The following TRPM1 variants were observed in gnomAD, a reference collection of about 807,000 sequenced individuals.
TRPM1 encodes TRPM1-203 APA Isoform, Intron 10.
Under a neutral mutation model 149.4 loss-of-function variants are expected in TRPM1, and 113 were observed. The ratio of observed to expected loss-of-function variants is 0.76; its 90% CI spans 0.65 to 0.88. TRPM1 has a LOEUF of 0.88. Ranked by LOEUF, TRPM1 falls within the 40% of genes least tolerant of loss-of-function variation. The probability of loss-of-function intolerance (pLI) is 0.00; values close to 1 mark genes in which losing one functional copy is unlikely to be tolerated. For synonymous variants in TRPM1, 741 were observed against 759.5 expected, an observed-to-expected ratio of 0.98 and a Z score of 0.40; for missense variants, 1,976 against 2,038.7, an observed-to-expected ratio of 0.97 and a Z score of 0.59.
In TRPM1 at chr15:31,049,464, G is replaced by A. The variant is rs765113979; in HGVS notation, c.1483C>T (p.Arg495Cys). The A allele has an allele frequency of 2.5e-6, 4 of 1,614,124 alleles. No individual in the cohort carries two copies. Among genetic ancestry groups the A allele is most frequent in the Admixed American group, 3.3e-5 (2 of 60,016 alleles). Residue 495 changes from arginine to cysteine, a missense_variant, in exon 13 of 28, where the codon CGT becomes TGT. Coordinates refer to ENST00000256552, the MANE Select transcript of TRPM1 (RefSeq NM_001252024.2). Reference protein sequence around the residue: ...QAMLDALVLDRVDFVKLLIEN... With the variant: ...QAMLDALVLDCVDFVKLLIEN... ...ATCAGGAGCTTCACAAAGTCGACAC[G>A]ATCTAAGACTAAAGCATCTAGCATC...
chr15:31,035,966 AT>A (rs1194101713), intron 20 of TRPM1: 1 of 471,284 alleles, frequency 2.1e-6, no homozygotes, highest in Admixed American at 3.3e-5. Flanking sequence ...AGTTGCAAAC[AT>A]TATGATAACG....
chr15:31,148,629 C>T (rs2036253653), intron 1 of TRPM1, among the ~76,000 whole-genome samples: 1 of 152,174 alleles, frequency 6.6e-6, no homozygotes, highest in Non-Finnish European at 1.5e-5. Flanking sequence ...GACAGAAAAG[C>T]AGCTAGTGAG....
At chr15:31,081,567 C>T (rs2140984328) in intron 1 of TRPM1, 129 bp from the exon 2 acceptor site, 1 of 634,336 alleles carries the variant, frequency 1.6e-6, no homozygotes, top group Non-Finnish European at 2.7e-6. Flanking sequence ...ACCAGGGCTC[C>T]CTGACTCCCC....
chr15:31,026,009 C>G, intron 27 of TRPM1, 130 bp downstream of exon 27: 3 of 1,374,080 alleles, frequency 2.2e-6, no homozygotes, highest in Admixed American at 3.4e-5. Context: ...CACGTTAAAA[C>G]CTAAAGTTTA....
At chr15:31,028,912 A>T (rs1002262927) in intron 24 of TRPM1, among the ~76,000 whole-genome samples, 6 of 152,166 alleles carry the variant, frequency 3.9e-5, no homozygotes, top group Non-Finnish European at 8.8e-5. Context: ...ATGTATCTTT[A>T]TGTTTTTTCC....
rs191719470 is a variant in TRPM1, at chr15:31,002,796, C to T, written c.3904G>A (p.Glu1302Lys). 14 of 1,614,226 alleles carry T rather than the reference C, an allele frequency of 8.7e-6. 1 individual carries two copies. The Admixed American group carries it at 2.3e-4, about 27-fold the overall frequency. ...GATGTATCCTCAAATAATAACTCTT[C>T]TCCGTTAAAATGATATCGATACAAG... Reference protein sequence around the residue: ...YSLYRYHFNGEELLFEDTSLS... With the variant: ...YSLYRYHFNGKELLFEDTSLS... The change falls in exon 28 of 28, where the codon GAA becomes AAA. Residue 1302 changes from glutamate (E) to lysine (K), a missense_variant. By Grantham distance (56) the Glu-to-Lys change is moderately conservative. This residue lies in a region of TRPM1 where 572 missense variants were observed against 578.9 expected (regional missense o/e 0.99). Transcript: ENST00000256552.
chr15:31,084,335 C>T (rs1192025948), intron 1 of TRPM1, among the ~76,000 whole-genome samples: 2 of 152,084 alleles, frequency 1.3e-5, no homozygotes, highest in South Asian at 2.1e-4. Flanking sequence ...TAAAAAAAGC[C>T]GGTACCCATT....
Position 31,070,245 on chromosome 15 carries a change from C to CTAT in TRPM1, c.84-20_84-19insATA, listed in dbSNP as rs767847938. 4.4e-6 allele frequency: 7 copies of CTAT among 1,599,116 alleles called. No individual in the cohort carries two copies. The highest frequency in any genetic ancestry group is 1.3e-5 in the African/African-American group (1 of 74,718). Reference sequence around the variant, plus strand: ...GCAACACCTGAAAACAAAGGCAAAGCAGGGTCTTTCTACAACAATCTCCCC... The same window carrying CTAT: ...GCAACACCTGAAAACAAAGGCAAAGCTATAGGGTCTTTCTACAACAATCTCCCC... On this transcript the variant is annotated intron_variant, in intron 3 of 27. Transcript: ENST00000256552.
chr15:31,040,644 T>A lies in TRPM1; in HGVS notation c.2088-298A>T, dbSNP rs1032851675. ...GGGACATAGAGACGAGAAGACAAAG[T>A]CCCTTCCCTCAAGTTGTGCACAGAT... On this transcript the variant is annotated intron_variant, in intron 17 of 27. Transcript: ENST00000256552. The surrounding 1 kb of genome is among the most constrained non-coding windows in gnomAD (Gnocchi z 4.2). Among the ~76,000 whole-genome samples, 2 of 152,056 alleles carry A rather than the reference T, an allele frequency of 1.3e-5. No individual in the cohort carries two copies. The highest frequency in any genetic ancestry group is 2.9e-5 in the Non-Finnish European group (2 of 68,002).
Position 31,001,803 on chromosome 15 carries a change from A to G in TRPM1, c.*19T>C. 6.2e-7 allele frequency: 1 copy of G among 1,603,648 alleles called. No individual in the cohort carries two copies. The highest frequency in any genetic ancestry group is 8.5e-7 in the Non-Finnish European group (1 of 1,178,774). On this transcript the variant is annotated 3_prime_UTR_variant, in exon 28 of 28. Coordinates refer to ENST00000256552, the MANE Select transcript of TRPM1 (RefSeq NM_001252024.2). The stretch of plus-strand genomic sequence containing the variant: ...GTGGTTCTGACTGTTAAAAAAAAAA[A>G]TTAAAGAAACAAAACAGACTAGCAT...
intron 11 of TRPM1, among the ~76,000 whole-genome samples, chr15:31,054,924 A>C (rs574032453): frequency 2.5e-4 from 38 of 152,258 alleles, no homozygotes; most frequent in African/African-American, 8.9e-4. Context: ...TTAAACCAAA[A>C]TCTCCCAATC....
At chr15:31,077,644 C>T (rs1339236779) in intron 2 of TRPM1, among the ~76,000 whole-genome samples, 2 of 151,964 alleles carry the variant, frequency 1.3e-5, no homozygotes, top group African/African-American at 4.8e-5. Flanking sequence ...TGGAAGGGCT[C>T]GTGGGAGGCA....
rs542281336 is a variant in TRPM1 at position 31,094,474 on chromosome 15, A to G, written c.-84+7183T>C. Among the ~76,000 whole-genome samples the G allele has an allele frequency of 1.7e-3, 254 of 152,356 alleles. 3 individuals are homozygous for G. Among genetic ancestry groups the G allele is most frequent in the African/African-American group, 5.8e-3 (243 of 41,590 alleles). On this transcript the variant is annotated intron_variant, in intron 1 of 27. Coordinates refer to ENST00000256552, the MANE Select transcript of TRPM1 (RefSeq NM_001252024.2). ...GATATTTGCAAATCAAAATATGACA[A>G]GGGTCTAATATCCAGAATATATAAA...
chr15:31,047,805 CA>C, intron 14 of TRPM1, 83 bp downstream of exon 14: 1 of 1,111,140 alleles, frequency 9.0e-7, no homozygotes, highest in Non-Finnish European at 1.4e-6. Context: ...AATAATAATA[CA>C]TTTTGAAAAT....
At chr15:31,065,151 T>C (rs566338968) in intron 7 of TRPM1, 1 of 532,978 alleles carries the variant, frequency 1.9e-6, no homozygotes, top group African/African-American at 1.9e-5. Flanking sequence ...AAATGGGGTG[T>C]TGTAAAAACT....
chr15:31,092,467 C>T (rs971999867), intron 1 of TRPM1, among the ~76,000 whole-genome samples: 4 of 152,168 alleles, frequency 2.6e-5, no homozygotes, highest in Admixed American at 1.3e-4. Flanking sequence ...GCCAGGCAGC[C>T]GGACCTGGAC....
At chr15:31,146,906 T>G (rs1356016134) in intron 1 of TRPM1, among the ~76,000 whole-genome samples, 3 of 151,998 alleles carry the variant, frequency 2.0e-5, no homozygotes, top group Admixed American at 1.3e-4. Context: ...GAGAATCGCT[T>G]GAACCCAGGA....
intron 27 of TRPM1, among the ~76,000 whole-genome samples, chr15:31,008,914 T>G (rs1160136506): frequency 6.6e-6 from 1 of 152,192 alleles, no homozygotes; most frequent in Non-Finnish European, 1.5e-5. Context: ...AGTATGGCAA[T>G]TTTTGCTTTT....
At chr15:31,074,829 C>T (rs187714755) in intron 3 of TRPM1, among the ~76,000 whole-genome samples, 5 of 152,156 alleles carry the variant, frequency 3.3e-5, no homozygotes, top group African/African-American at 4.8e-5. Context: ...TTTCCCTGTC[C>T]GTACTACTTT....
Sources: allele counts gnomAD v4.1 joint callset (sites outside exome capture counted in the v4.1 genomes callset), GRCh38; gene constraint gnomAD v4.1.1; regional missense constraint gnomAD v4.1.1; non-coding constraint Gnocchi (gnomAD v3.1); transcripts MANE v1.5; gene names NCBI Gene and HGNC (gene_info 2026-07-23, HGNC 2026-07-21).